The following CCDC146 variants were observed in gnomAD, a reference collection of about 807,000 sequenced individuals.
CCDC146 encodes the protein coiled-coil domain containing 146, also known as coiled-coil domain-containing protein 146.
CCDC146 carries 92 observed loss-of-function variants against 119.3 expected under a neutral mutation model. The observed-to-expected ratio is 0.77, with a 90% CI of 0.65 to 0.92. The LOEUF is 0.92. Among genes scored for constraint, CCDC146 ranks in the 40% least tolerant of loss-of-function variants. CCDC146 has a pLI of 0.00. For missense variants in CCDC146, 1,000 were observed against 1,103.0 expected, an observed-to-expected ratio of 0.91 and a Z score of 1.32; for synonymous variants, 372 against 371.8, an observed-to-expected ratio of 1.00 and a Z score of -0.01.
intron 2 of CCDC146, among the ~76,000 whole-genome samples, chr7:77,187,728 C>G (rs1037922754): frequency 2.0e-5 from 3 of 152,200 alleles, no homozygotes; most frequent in Non-Finnish European, 4.4e-5. Flanking sequence ...ATCACTATGA[C>G]TATTGGGAGG....
chr7:77,181,132 G>C (rs1791580565), intron 2 of CCDC146, among the ~76,000 whole-genome samples: 2 of 152,188 alleles, frequency 1.3e-5, no homozygotes, highest in Non-Finnish European at 2.9e-5. Flanking sequence ...GTGGTGAATA[G>C]GGTGTCACAT....
chr7:77,234,460 C>T (rs1209514131), intron 2 of CCDC146, among the ~76,000 whole-genome samples: 1 of 152,178 alleles, frequency 6.6e-6, no homozygotes, highest in African/African-American at 2.4e-5. Flanking sequence ...ATAGACCGGG[C>T]GCAGTGGCTC....
chr7:77,287,070 T>A, intron 16 of CCDC146, 144 bp downstream of exon 16: 2 of 908,830 alleles, frequency 2.2e-6, no homozygotes, highest in Non-Finnish European at 3.3e-6. Context: ...TGTAATCTAG[T>A]CATACATTCT....
At chr7:77,225,543 G>C (rs1792492838) in intron 2 of CCDC146, among the ~76,000 whole-genome samples, 1 of 151,146 alleles carries the variant, frequency 6.6e-6, no homozygotes, top group African/African-American at 2.4e-5. Flanking sequence ...AACAGAGCAA[G>C]ACTTTGCCTT....
At chr7:77,207,032 G>T (rs1316105483) in intron 2 of CCDC146, among the ~76,000 whole-genome samples, 1 of 151,930 alleles carries the variant, frequency 6.6e-6, no homozygotes, top group Non-Finnish European at 1.5e-5. Context: ...ATGAGATATA[G>T]ATGTCGTCAT....
intron 1 of CCDC146, among the ~76,000 whole-genome samples, chr7:77,149,480 T>G (rs1157469741): frequency 3.3e-5 from 5 of 152,116 alleles, no homozygotes; most frequent in Non-Finnish European, 7.3e-5. Flanking sequence ...TAAGACTTAT[T>G]ATAGGCTGGG....
At chr7:77,230,484 G>A (rs1217548490) in intron 2 of CCDC146, among the ~76,000 whole-genome samples, 1 of 130,258 alleles carries the variant, frequency 7.7e-6, no homozygotes, top group African/African-American at 3.0e-5. Context: ...AGGATTCTTG[G>A]TTGACAGGTA....
At chr7:77,132,598 A>T (rs1276060313) in intron 1 of CCDC146, among the ~76,000 whole-genome samples, 1 of 151,526 alleles carries the variant, frequency 6.6e-6, no homozygotes, top group Non-Finnish European at 1.5e-5. Flanking sequence ...TCAGCCAGTC[A>T]TGGTGGCACA....
chr7:77,241,944 C>A, intron 4 of CCDC146, 44 bp downstream of exon 4: 2 of 1,458,514 alleles, frequency 1.4e-6, no homozygotes, highest in Non-Finnish European at 1.9e-6. Context: ...GTCTTTTCCT[C>A]ATAAATAGAA....
At chr7:77,287,006 T>C in intron 16 of CCDC146, 80 bp downstream of exon 16, 1 of 1,455,274 alleles carries the variant, frequency 6.9e-7, no homozygotes, top group Non-Finnish European at 9.6e-7. Flanking sequence ...CTGTTTCATG[T>C]TATGCTGACA....
chr7:77,160,982 G>A (rs1429238648), intron 1 of CCDC146, among the ~76,000 whole-genome samples: 3 of 152,186 alleles, frequency 2.0e-5, no homozygotes, highest in African/African-American at 7.2e-5. Context: ...CGAAGGACAT[G>A]AACAGACACT....
chr7:77,209,602 G>A (rs1792144674), intron 2 of CCDC146, among the ~76,000 whole-genome samples: 1 of 152,248 alleles, frequency 6.6e-6, no homozygotes, highest in Non-Finnish European at 1.5e-5. Flanking sequence ...GGGACTCTGT[G>A]TGGAGGTTCC....
At chr7:77,249,357 G>A (rs1231893101) in intron 4 of CCDC146, among the ~76,000 whole-genome samples, 2 of 151,930 alleles carry the variant, frequency 1.3e-5, no homozygotes, top group African/African-American at 2.4e-5. Flanking sequence ...GCGTGGTGGT[G>A]CACACCTGTA....
At chr7:77,152,036 C>T (rs1254391022) in intron 1 of CCDC146, among the ~76,000 whole-genome samples, 3 of 152,114 alleles carry the variant, frequency 2.0e-5, no homozygotes, top group Non-Finnish European at 4.4e-5. Context: ...GGTGATGGTT[C>T]TGGAACCTTG....
At chr7:77,268,612 G>A (rs1234167836) in intron 9 of CCDC146, among the ~76,000 whole-genome samples, 1 of 152,162 alleles carries the variant, frequency 6.6e-6, no homozygotes. Flanking sequence ...TTTGGAGGAG[G>A]GGACATGCCT....
chr7:77,222,365 G>A (rs993940794), intron 2 of CCDC146, among the ~76,000 whole-genome samples: 4 of 152,214 alleles, frequency 2.6e-5, no homozygotes, highest in Admixed American at 2.0e-4. Flanking sequence ...TGGAAAGAAC[G>A]CTGGGTGAAA....
chr7:77,233,906 CA>C (rs35163007), intron 2 of CCDC146, among the ~76,000 whole-genome samples: 16,058 of 65,898 alleles, frequency 0.24, 1,103 homozygotes, highest in Non-Finnish European at 0.35. Flanking sequence ...AGTATTCTAT[CA>C]TTTTTTTTTT....
chr7:77,190,406 G>A (rs1411164423), intron 2 of CCDC146, among the ~76,000 whole-genome samples: 4 of 152,208 alleles, frequency 2.6e-5, no homozygotes, highest in Non-Finnish European at 4.4e-5. Context: ...AGTTAGCAAA[G>A]TTGTGCAAAG....
intron 2 of CCDC146, among the ~76,000 whole-genome samples, chr7:77,219,123 A>G (rs1792353281): frequency 6.6e-6 from 1 of 152,228 alleles, no homozygotes; most frequent in Non-Finnish European, 1.5e-5. Flanking sequence ...ACTATCAGTA[A>G]CAACTGGAAA....
Sources: gnomAD v4.1 joint callset for allele counts (sites outside exome capture counted in the v4.1 genomes callset) on GRCh38, gnomAD v4.1.1 for gene constraint, MANE v1.5 for transcripts, NCBI Gene and HGNC (gene_info 2026-07-23, HGNC 2026-07-21) for gene names.